The following LAMA3 variants were observed in gnomAD, a reference collection of about 807,000 sequenced individuals.
The protein encoded by LAMA3 is laminin subunit alpha 3, also known as laminin subunit alpha-3.
LAMA3 carries 281 observed loss-of-function variants against 402.0 expected under a neutral mutation model. The observed-to-expected ratio is 0.70, with a 90% CI of 0.63 to 0.77. The LOEUF (loss-of-function observed/expected upper bound fraction) is 0.77, where lower values mean the gene tolerates loss of function less well. Among genes scored for constraint, LAMA3 ranks in the 30% least tolerant of loss-of-function variants. LAMA3 has a pLI of 0.00. For synonymous variants in LAMA3, 1,431 were observed against 1,558.4 expected, an observed-to-expected ratio of 0.92 and a Z score of 1.93; for missense variants, 3,840 against 4,215.5, an observed-to-expected ratio of 0.91 and a Z score of 2.47.
chr18:23,695,706 G>A (rs1291644268), intron 1 of LAMA3, among the ~76,000 whole-genome samples: 2 of 144,284 alleles, frequency 1.4e-5, no homozygotes, highest in Non-Finnish European at 3.0e-5. Context: ...GCTGAAGCAG[G>A]AGAATTGCTT....
intron 47 of LAMA3, among the ~76,000 whole-genome samples, chr18:23,900,561 A>G (rs115396374): frequency 1.6e-4 from 25 of 152,360 alleles, no homozygotes; most frequent in African/African-American, 6.0e-4. Context: ...CTAGAAATTA[A>G]CAGAATACAT....
intron 73 of LAMA3, 35 bp from the exon 74 acceptor site, chr18:23,952,955 T>G: frequency 6.2e-7 from 1 of 1,613,318 alleles, no homozygotes; most frequent in East Asian, 2.2e-5. Context: ...AGGGCTCACC[T>G]CCGATGATAG....
chr18:23,872,929 G>A, intron 38 of LAMA3: 2 of 1,357,040 alleles, frequency 1.5e-6, no homozygotes, highest in Non-Finnish European at 1.0e-6. Context: ...TGGGGCCCCT[G>A]CCGCAGACAG....
intron 39 of LAMA3, among the ~76,000 whole-genome samples, chr18:23,877,270 C>G (rs1453433386): frequency 6.6e-6 from 1 of 152,216 alleles, no homozygotes; most frequent in African/African-American, 2.4e-5. Flanking sequence ...TCCACTGGAA[C>G]ATGATCTTAT....
chr18:23,895,561 A>G (rs544865601), intron 44 of LAMA3, among the ~76,000 whole-genome samples: 2 of 152,352 alleles, frequency 1.3e-5, no homozygotes, highest in South Asian at 2.1e-4. Context: ...TGTCAATTTC[A>G]TCTAAATTAC....
chr18:23,779,859 C>A (rs2062401217), intron 11 of LAMA3, among the ~76,000 whole-genome samples: 1 of 152,112 alleles, frequency 6.6e-6, no homozygotes, highest in Admixed American at 6.6e-5. Flanking sequence ...GACGTCATTC[C>A]CTGCTTCTGC....
At chr18:23,947,255 G>A (rs1209951699) in intron 70 of LAMA3, among the ~76,000 whole-genome samples, 1 of 152,102 alleles carries the variant, frequency 6.6e-6, no homozygotes, top group Non-Finnish European at 1.5e-5. Context: ...GTTACTTGAG[G>A]CAGCCTTGGG....
intron 36 of LAMA3, 39 bp downstream of exon 36, chr18:23,864,922 A>G: frequency 7.8e-7 from 1 of 1,287,368 alleles, no homozygotes; most frequent in Non-Finnish European, 1.1e-6. Flanking sequence ...AGGAAGTGGC[A>G]GTTGCAGTTG....
chr18:23,692,681 C>T (rs1212885042), intron 1 of LAMA3, among the ~76,000 whole-genome samples: 3 of 152,142 alleles, frequency 2.0e-5, no homozygotes, highest in African/African-American at 7.2e-5. Context: ...TTCTGTCATT[C>T]TGATGCTTGT....
At chr18:23,771,353 G>A (rs1263508306) in intron 8 of LAMA3, among the ~76,000 whole-genome samples, 3 of 152,202 alleles carry the variant, frequency 2.0e-5, no homozygotes, top group African/African-American at 7.2e-5. Flanking sequence ...TCTGAAACAG[G>A]TAAAAGTAGT....
At chr18:23,796,783 C>T (rs771634563) in intron 12 of LAMA3, among the ~76,000 whole-genome samples, 1 of 151,992 alleles carries the variant, frequency 6.6e-6, no homozygotes, top group Non-Finnish European at 1.5e-5. Context: ...CAAGCGATTC[C>T]CCCACCTCTG....
intron 37 of LAMA3, among the ~76,000 whole-genome samples, chr18:23,869,998 C>CA (rs2064469333): frequency 6.6e-6 from 1 of 150,422 alleles, no homozygotes; most frequent in Admixed American, 6.6e-5. Flanking sequence ...TCGTCTCTAC[C>CA]AAAAATACAT....
chr18:23,844,417 G>A (rs1327760485), intron 29 of LAMA3, among the ~76,000 whole-genome samples: 6 of 152,168 alleles, frequency 3.9e-5, no homozygotes, highest in Admixed American at 1.3e-4. Flanking sequence ...GAGATCCAGG[G>A]AGACATCAGG....
At chr18:23,791,305 A>T (rs2062648339) in intron 12 of LAMA3, among the ~76,000 whole-genome samples, 2 of 152,094 alleles carry the variant, frequency 1.3e-5, no homozygotes, top group South Asian at 4.1e-4. Context: ...CTTCAGTCTG[A>T]CCTTACCAGC....
intron 1 of LAMA3, among the ~76,000 whole-genome samples, chr18:23,706,079 T>C (rs1343043063): frequency 6.6e-6 from 1 of 152,246 alleles, no homozygotes; most frequent in African/African-American, 2.4e-5. Context: ...AAGTATATCA[T>C]GCTTTTTTCA....
chr18:23,783,592 C>T (rs2062479598), intron 11 of LAMA3, among the ~76,000 whole-genome samples: 1 of 152,132 alleles, frequency 6.6e-6, no homozygotes, highest in Non-Finnish European at 1.5e-5. Flanking sequence ...GTGAGATGAT[C>T]CAAGGGAAGC....
At chr18:23,714,474 C>G (rs186919973) in intron 2 of LAMA3, among the ~76,000 whole-genome samples, 3 of 151,986 alleles carry the variant, frequency 2.0e-5, no homozygotes, top group African/African-American at 7.3e-5. Flanking sequence ...GAGCCAAGAT[C>G]GCGCCACTGC....
chr18:23,861,067 A>G (rs763267522), intron 34 of LAMA3, among the ~76,000 whole-genome samples: 19 of 152,092 alleles, frequency 1.2e-4, no homozygotes, highest in Non-Finnish European at 2.5e-4. Context: ...AAAGGAGTGT[A>G]GCTAGTAATT....
In LAMA3 at chr18:23,838,854, G is replaced by A; in HGVS notation, c.3167G>A (p.Ser1056Asn). 5 of 1,608,466 alleles carry A rather than the reference G, an allele frequency of 3.1e-6. No homozygotes were observed. Among genetic ancestry groups the A allele is most frequent in the Non-Finnish European group, 4.3e-6 (5 of 1,174,788 alleles). Reference protein sequence around the residue: ...YVRPQVHCIASYGRFVNQSAT... With the variant: ...YVRPQVHCIANYGRFVNQSAT... ...AGACCACAAGTCCACTGCATTGCCA[G>A]TTATGGGCGATTTGTCAATCAAAGG... The change falls in exon 26 of 75, where the codon AGT (serine) becomes AAT (asparagine). Residue 1056 changes from serine to asparagine, a missense_variant. Transcript: ENST00000313654.
Sources: gnomAD v4.1 joint callset for allele counts (sites outside exome capture counted in the v4.1 genomes callset) on GRCh38, gnomAD v4.1.1 for gene constraint, MANE v1.5 for transcripts, NCBI Gene and HGNC (gene_info 2026-07-23, HGNC 2026-07-21) for gene names.